PRELID2: variants seen among roughly 807,000 people sequenced by gnomAD.
PRELID2 encodes the protein PRELI domain containing 2, also known as PRELI domain-containing protein 2.
Under a neutral mutation model 28.4 loss-of-function variants are expected in PRELID2, and 25 were observed. That is an observed-to-expected ratio of 0.88 (90% CI 0.64 to 1.23). PRELID2 has a LOEUF of 1.23. PRELID2 is among the 50% of genes most tolerant of loss of function. The pLI is 0.00. For missense variants in PRELID2, 201 were observed against 214.4 expected (o/e 0.94, Z 0.39); for synonymous variants, 76 against 71.6 (o/e 1.06, Z -0.31).
chr5:145,362,410 T>C, the PRELID2 span, among the ~76,000 whole-genome samples: 1 of 152,154 alleles, frequency 6.6e-6, no homozygotes, highest in Non-Finnish European at 1.5e-5. Context: ...CATTGACTCA[T>C]GCTCATACCA....
intron 1 of PRELID2, among the ~76,000 whole-genome samples, chr5:145,585,368 T>C (rs1753144049): frequency 6.6e-6 from 1 of 152,118 alleles, no homozygotes; most frequent in African/African-American, 2.4e-5. Context: ...GGATGATCTG[T>C]ACAGCAAACC....
the PRELID2 span, among the ~76,000 whole-genome samples, chr5:145,261,981 T>C: frequency 1.3e-5 from 2 of 152,096 alleles, no homozygotes; most frequent in Non-Finnish European, 2.9e-5. Context: ...TCCAGTGAAA[T>C]AGACAGCATA....
At chr5:145,389,739 G>T in the PRELID2 span, among the ~76,000 whole-genome samples, 3 of 152,162 alleles carry the variant, frequency 2.0e-5, no homozygotes, top group Admixed American at 2.0e-4. Flanking sequence ...TGAAAGTTAG[G>T]TTGCTCACTT....
the PRELID2 span, among the ~76,000 whole-genome samples, chr5:145,328,875 C>T: frequency 2.0e-5 from 3 of 152,096 alleles, no homozygotes; most frequent in African/African-American, 4.8e-5. Context: ...AATGGTATTA[C>T]CTAGGTCTTA....
chr5:145,230,191 T>C, the PRELID2 span: 1 of 387,506 alleles, frequency 2.6e-6, no homozygotes. Flanking sequence ...GCCCCAGCTT[T>C]GTTCCGTGGT....
chr5:145,606,553 G>T (rs990340958), intron 1 of PRELID2, among the ~76,000 whole-genome samples: 1 of 152,024 alleles, frequency 6.6e-6, no homozygotes. Flanking sequence ...TTCTGTTTAT[G>T]TGATTAATCA....
At chr5:145,771,922 G>T (rs13359479) in intron 5 of PRELID2, among the ~76,000 whole-genome samples, 10,265 of 152,088 alleles carry the variant, frequency 0.067, 790 homozygotes, top group African/African-American at 0.19. Context: ...GAGATGAAGG[G>T]AGGAAAGGGC....
rs1356287014 is a variant in PRELID2, at chr5:145,729,202, C to T, written n.70+35729G>A. The T allele has an allele frequency of 6.0e-5, 45 of 749,952 alleles. 1 individual carries two copies. The highest frequency in any genetic ancestry group is 2.3e-4 in the South Asian group (15 of 64,372). 46.5% of individuals were successfully genotyped at this position (749,952 alleles called of 1,614,324 possible). A position where few individuals can be genotyped will look rare whatever the true frequency, so the allele number is the denominator to read the frequency against. ...TTTGTATCAGTGATGCTCTGGGTTT[C>T]GGAAGCATGCCAGAATGCCCTGAAT... On this transcript the variant is annotated intron_variant and non_coding_transcript_variant, in intron 1 of 2. Transcript: ENST00000510259.
the PRELID2 span, among the ~76,000 whole-genome samples, chr5:145,304,665 T>C: frequency 6.6e-6 from 1 of 152,158 alleles, no homozygotes; most frequent in Non-Finnish European, 1.5e-5. Context: ...CCGATATATA[T>C]TGCTGCCCCA....
chr5:145,617,850 C>G (rs960648095), intron 1 of PRELID2, among the ~76,000 whole-genome samples: 2 of 152,034 alleles, frequency 1.3e-5, no homozygotes, highest in Admixed American at 6.5e-5. Flanking sequence ...GCTCCTGCCT[C>G]AGCCTCCCAA....
intron 5 of PRELID2, among the ~76,000 whole-genome samples, 177 bp from the exon 6 acceptor site, chr5:145,765,177 C>T (rs1402759086): frequency 6.6e-6 from 1 of 152,172 alleles, no homozygotes; most frequent in Admixed American, 6.5e-5. Context: ...ATTTCACATA[C>T]ATTATCTCCG....
At chr5:145,798,658 T>G (rs555456217) in intron 4 of PRELID2, among the ~76,000 whole-genome samples, 1 of 152,118 alleles carries the variant, frequency 6.6e-6, no homozygotes, top group South Asian at 2.1e-4. Flanking sequence ...ATTCAGAAAA[T>G]GTGGCACATA....
rs1180023403 is a variant in PRELID2 at position 145,742,321 on chromosome 5, TAG to T, written n.70+22608_70+22609del. 6.9e-5 allele frequency among the ~76,000 whole-genome samples: 6 copies of T among 87,354 alleles called. No individual in the cohort carries two copies. The East Asian group carries it at 1.3e-3, about 19-fold the overall frequency. The allele number at this position is 87,354 out of a possible 152,430, so 57.3% of individuals were successfully genotyped here. On this transcript the variant is annotated intron_variant and non_coding_transcript_variant, in intron 1 of 2. Coordinates refer to the PRELID2 transcript ENST00000510259. ...AAATATTTATATATATAAATAAAAA[TAG>T]ATATATTTTTTTTTTCTGGCTACAT...
chr5:145,306,422 A>C, the PRELID2 span, among the ~76,000 whole-genome samples: 2 of 152,120 alleles, frequency 1.3e-5, no homozygotes, highest in Non-Finnish European at 2.9e-5. Context: ...TTGATTTAAT[A>C]ATTCCATTAA....
At chr5:145,685,396 T>C (rs1223701839) in intron 1 of PRELID2, among the ~76,000 whole-genome samples, 7 of 152,204 alleles carry the variant, frequency 4.6e-5, no homozygotes, top group Non-Finnish European at 1.0e-4. Context: ...AATGTTATTC[T>C]TGCTCTCTAG....
At chr5:145,263,932 C>A in the PRELID2 span, among the ~76,000 whole-genome samples, 1 of 151,852 alleles carries the variant, frequency 6.6e-6, no homozygotes, top group Non-Finnish European at 1.5e-5. Flanking sequence ...TCTCTGTCAC[C>A]CAGCCTGGAG....
intron 1 of PRELID2, among the ~76,000 whole-genome samples, chr5:145,521,289 A>C (rs2126650500): frequency 6.6e-6 from 1 of 152,276 alleles, no homozygotes; most frequent in South Asian, 2.1e-4. Flanking sequence ...TTTCTGTGAA[A>C]GATTGGCACC....
chr5:145,229,009 G>T, the PRELID2 span: 2 of 1,602,220 alleles, frequency 1.2e-6, no homozygotes, highest in African/African-American at 1.3e-5. Context: ...GATGTCAGCA[G>T]GGAGTTTGTG....
chr5:145,340,888 G>T, the PRELID2 span, among the ~76,000 whole-genome samples: 1 of 150,668 alleles, frequency 6.6e-6, no homozygotes, highest in South Asian at 2.1e-4. Flanking sequence ...GCCACCACTA[G>T]GGCCCAAAGA....
Sources: allele counts gnomAD v4.1 joint callset (sites outside exome capture counted in the v4.1 genomes callset), GRCh38; gene constraint gnomAD v4.1.1; transcripts MANE v1.5; gene names NCBI Gene and HGNC (gene_info 2026-07-23, HGNC 2026-07-21).